WDR19: variants seen among roughly 807,000 people sequenced by gnomAD.
WDR19 encodes the protein WD repeat domain 19, also known as WD repeat-containing protein 19.
In WDR19, 121 loss-of-function variants were observed where a neutral mutation model predicts 180.0. The ratio of observed to expected loss-of-function variants is 0.67; its 90% CI spans 0.58 to 0.78. The LOEUF (loss-of-function observed/expected upper bound fraction) is 0.78. Ranked by LOEUF, WDR19 falls within the 30% of genes least tolerant of loss-of-function variation. The pLI is 0.00. For synonymous variants in WDR19, 497 were observed against 540.7 expected, an observed-to-expected ratio of 0.92 and a Z score of 1.12; for missense variants, 1,450 against 1,640.7, an observed-to-expected ratio of 0.88 and a Z score of 2.01.
At chr4:39,253,408 T>G in intron 25 of WDR19, 116 bp downstream of exon 25, 1 of 1,232,640 alleles carries the variant, frequency 8.1e-7, no homozygotes, top group East Asian at 2.6e-5. Context: ...TATTTTTTTA[T>G]CAGGTCTAAG....
intron 9 of WDR19, among the ~76,000 whole-genome samples, chr4:39,213,276 C>G (rs901419046): frequency 2.0e-5 from 3 of 152,206 alleles, no homozygotes; most frequent in Non-Finnish European, 4.4e-5. Flanking sequence ...CAGATAAAAA[C>G]CTGTATATGA....
intron 3 of WDR19, among the ~76,000 whole-genome samples, chr4:39,187,146 T>A (rs1452965632): frequency 6.6e-6 from 1 of 152,060 alleles, no homozygotes; most frequent in African/African-American, 2.4e-5. Flanking sequence ...AAAGGCTGTG[T>A]GTGGTGGCTC....
chr4:39,211,787 T>G (rs769730655), intron 9 of WDR19, among the ~76,000 whole-genome samples: 1 of 152,164 alleles, frequency 6.6e-6, no homozygotes. Flanking sequence ...AATAGAGAGA[T>G]ATACTGTGTT....
At chr4:39,196,183 A>G (rs1428832209) in intron 5 of WDR19, among the ~76,000 whole-genome samples, 1 of 152,182 alleles carries the variant, frequency 6.6e-6, no homozygotes, top group Non-Finnish European at 1.5e-5. Context: ...TATGATCAGC[A>G]AAATCTCTGT....
intron 9 of WDR19, among the ~76,000 whole-genome samples, chr4:39,213,757 G>A: frequency 6.6e-6 from 1 of 152,118 alleles, no homozygotes; most frequent in South Asian, 2.1e-4. Context: ...TAAAACTAGG[G>A]ACGTCGGAAT....
rs1194187008 is a variant in WDR19 at position 39,228,344 on chromosome 4, G to T, written c.1764G>T (p.Lys588Asn). 1 of 1,610,524 alleles carries T rather than the reference G, an allele frequency of 6.2e-7. No individual in the cohort carries two copies. Among genetic ancestry groups the T allele is most frequent in the South Asian group, 1.1e-5 (1 of 90,878 alleles). Residue 588 changes from lysine (K) to asparagine (N), a missense_variant, in exon 16 of 37, where the codon AAG (lysine) becomes AAT (asparagine). Lys to Asn is a moderately conservative substitution (Grantham distance 94). Transcript: ENST00000399820. ...DDKVYTYVFH[K>N]DTIQGAKVIL... ...AGGTGTACACTTATGTCTTTCACAAGGACACTATACAAGGTACTAAACCCC... is the reference window on the plus strand; with the variant it reads ...AGGTGTACACTTATGTCTTTCACAATGACACTATACAAGGTACTAAACCCC...
chr4:39,262,255 A>C (rs1211032485), intron 28 of WDR19, among the ~76,000 whole-genome samples: 1 of 151,898 alleles, frequency 6.6e-6, no homozygotes, highest in Admixed American at 6.6e-5. Context: ...TAAATTGGCC[A>C]CTTTTTTCCC....
chr4:39,220,496 A>T (rs1005203527), intron 14 of WDR19, among the ~76,000 whole-genome samples: 1 of 141,530 alleles, frequency 7.1e-6, no homozygotes, highest in Admixed American at 7.0e-5. Context: ...TTAGTTTTTT[A>T]AATTATTTTT....
chr4:39,265,792 A>G (rs940245598), intron 28 of WDR19, among the ~76,000 whole-genome samples: 10 of 143,202 alleles, frequency 7.0e-5, no homozygotes, highest in African/African-American at 2.5e-4. Flanking sequence ...AAAAAAAAAA[A>G]TCCAAGAAGT....
Position 39,188,441 on chromosome 4 carries a change from A to C in WDR19, c.165-1215A>C, listed in dbSNP as rs559065098. Reference sequence around the variant, plus strand: ...TATAAAATGAAAATAATGACCAGGCACAGGGGCTCACACCTGTAATCCCAG... The same window carrying C: ...TATAAAATGAAAATAATGACCAGGCCCAGGGGCTCACACCTGTAATCCCAG... On this transcript the variant is annotated intron_variant, in intron 3 of 36. Coordinates refer to ENST00000399820, the MANE Select transcript of WDR19 (RefSeq NM_025132.4). 5.9e-5 allele frequency among the ~76,000 whole-genome samples: 9 copies of C among 152,080 alleles called. No individual in the cohort carries two copies. In the South Asian group the frequency reaches 1.9e-3, roughly 32 times the overall value.
intron 24 of WDR19, among the ~76,000 whole-genome samples, chr4:39,252,879 A>C (rs1291720942): frequency 6.6e-6 from 1 of 152,184 alleles, no homozygotes; most frequent in East Asian, 1.9e-4. Context: ...AAAAGGAAAA[A>C]AACAGTAAAA....
chr4:39,266,337 C>T (rs1036066434), intron 29 of WDR19, among the ~76,000 whole-genome samples, 197 bp downstream of exon 29: 3 of 152,004 alleles, frequency 2.0e-5, no homozygotes, highest in Non-Finnish European at 4.4e-5. Context: ...TGTCTTGGGC[C>T]ACACATAAAA....
At position 39,255,582 on chromosome 4, in the gene WDR19, T is replaced by C. The variant is rs16995194; in HGVS notation, c.3002-266T>C. On this transcript the variant is annotated intron_variant, in intron 26 of 36. Transcript: ENST00000399820. ...GTTTAAACCAGGCATTGCTGAGAGG[T>C]ATGCATTCCATTTGTATTACTAACA... Among the ~76,000 whole-genome samples, 1,502 of 152,204 alleles carry C rather than the reference T, an allele frequency of 9.9e-3. 22 individuals carry two copies. The highest frequency in any genetic ancestry group is 0.035 in the African/African-American group (1,439 of 41,522).
intron 28 of WDR19, among the ~76,000 whole-genome samples, chr4:39,261,306 A>G (rs1028440424): frequency 6.6e-6 from 1 of 151,950 alleles, no homozygotes; most frequent in African/African-American, 2.4e-5. Context: ...CTCTCTTTTT[A>G]TGGTGTTAAG....
chr4:39,276,950 T>C lies in WDR19; in HGVS notation c.3717-70T>C, dbSNP rs768737331. 12 of 1,591,848 alleles carry C rather than the reference T, an allele frequency of 7.5e-6. 1 individual carries two copies. The South Asian group carries it at 1.3e-4, about 18-fold the overall frequency. ...TCATATGTCCCTGGTTTTCCAAATA[T>C]GCTTTCTCTTTGCCATCCCCGGTAC... On this transcript the variant is annotated intron_variant, in intron 33 of 36. Coordinates refer to ENST00000399820, the MANE Select transcript of WDR19 (RefSeq NM_025132.4).
rs1324333217 is a variant in WDR19 at position 39,259,443 on chromosome 4, CT to C, written c.3183+1892del. ...TACTATATGTATTATATATTATAAT[CT>C]TTCTGTTTCTGTGGATTTGCCTATC... is the stretch of plus-strand genomic sequence containing the variant. On this transcript the variant is annotated intron_variant, in intron 28 of 36. Coordinates refer to ENST00000399820, the MANE Select transcript of WDR19 (RefSeq NM_025132.4). Among the ~76,000 whole-genome samples the C allele has an allele frequency of 7.2e-5, 11 of 152,228 alleles. No individual in the cohort carries two copies. The South Asian group carries it at 1.2e-3, about 17-fold the overall frequency.
At chr4:39,206,802 G>A (rs575256130) in intron 9 of WDR19, among the ~76,000 whole-genome samples, 1 of 152,172 alleles carries the variant, frequency 6.6e-6, no homozygotes, top group Non-Finnish European at 1.5e-5. Context: ...CACTGCAAAG[G>A]CGTTGAAAAT....
chr4:39,194,053 G>T (rs1726458878), intron 4 of WDR19, among the ~76,000 whole-genome samples: 1 of 152,148 alleles, frequency 6.6e-6, no homozygotes, highest in African/African-American at 2.4e-5. Flanking sequence ...AACTGGTGGT[G>T]GGCAAAAGTG....
intron 17 of WDR19, among the ~76,000 whole-genome samples, chr4:39,230,548 G>A (rs1200783117): frequency 6.6e-6 from 1 of 152,150 alleles, no homozygotes; most frequent in Admixed American, 6.5e-5. Context: ...TACTTAGTGG[G>A]TAGGGTTATT....
Sources: gnomAD v4.1 joint callset for allele counts (sites outside exome capture counted in the v4.1 genomes callset) on GRCh38, gnomAD v4.1.1 for gene constraint, MANE v1.5 for transcripts, NCBI Gene and HGNC (gene_info 2026-07-23, HGNC 2026-07-21) for gene names.